The following GMIP variants were observed in gnomAD, a reference collection of about 807,000 sequenced individuals.
GMIP encodes GEM-interacting protein.
In GMIP, 54 loss-of-function variants were observed where a neutral mutation model predicts 105.3. That is an observed-to-expected ratio of 0.51 (90% CI 0.41 to 0.64). The LOEUF (loss-of-function observed/expected upper bound fraction) is 0.64, where lower values mean the gene tolerates loss of function less well. Ranked by LOEUF, GMIP falls within the 30% of genes least tolerant of loss-of-function variation. The pLI is 0.00. For missense variants in GMIP, 1,110 were observed against 1,319.4 expected (o/e 0.84, Z 2.46); for synonymous variants, 541 against 560.8 (o/e 0.96, Z 0.50).
rs766404601 is a variant in GMIP, at chr19:19,630,263, C to T, written c.2613G>A (p.Lys871=). The T allele has an allele frequency of 6.4e-7, 1 of 1,557,884 alleles. No homozygotes were observed. Among genetic ancestry groups the T allele is most frequent in the Non-Finnish European group, 8.7e-7 (1 of 1,150,176 alleles). ...CAGGCCTCACACCGCCCCGGGGATA[C>T]TTCACTGGCTGGCGGCTGAAGTGGC... ...SRGHFSRQPV[K]YPRGGVRPVT... The change falls in exon 21 of 21, where the codon AAG becomes AAA. Residue 871 remains lysine, a synonymous_variant. Transcript: ENST00000203556. The surrounding 1 kb of genome is among the most constrained non-coding windows in gnomAD (Gnocchi z 4.8).
In GMIP at chr19:19,636,588, T is replaced by A; in HGVS notation, c.1327+119A>T. On this transcript the variant is annotated intron_variant, in intron 13 of 20. Transcript: ENST00000203556. Reference sequence around the variant, plus strand: ...TAAAAAAAGAGGTTGAGGAAATAGGTCAGGGGTGTGGGGTAGGTCAGAGGT... The same window carrying A: ...TAAAAAAAGAGGTTGAGGAAATAGGACAGGGGTGTGGGGTAGGTCAGAGGT... 1.8e-5 allele frequency: 14 copies of A among 762,304 alleles called. No homozygotes were observed. In the South Asian group the frequency reaches 1.8e-4, roughly 10 times the overall value. The allele number at this position is 762,304 out of a possible 1,614,324, so 47.2% of individuals were successfully genotyped here.
chr19:19,634,433 G>A lies in GMIP; in HGVS notation c.2084+74C>T. Reference sequence around the variant, plus strand: ...CAAAGGTCAGAGGTCAGTGTCAGGGGTCAGCCAGGGAAGTTAGTAGTCGCA... The same window carrying A: ...CAAAGGTCAGAGGTCAGTGTCAGGGATCAGCCAGGGAAGTTAGTAGTCGCA... On this transcript the variant is annotated intron_variant, in intron 18 of 20. Transcript: ENST00000203556. The surrounding 1 kb of genome is among the most constrained non-coding windows in gnomAD (Gnocchi z 6.1). 7.7e-7 allele frequency: 1 copy of A among 1,291,182 alleles called. No individual in the cohort carries two copies. The highest frequency in any genetic ancestry group is 1.1e-6 in the Non-Finnish European group (1 of 909,262). 80.0% of individuals were successfully genotyped at this position (1,291,182 alleles called of 1,614,324 possible). A position where few individuals can be genotyped will look rare whatever the true frequency, so the allele number is the denominator to read the frequency against.
In GMIP at chr19:19,641,998, T is replaced by C. The variant is rs1489164933; in HGVS notation, c.158A>G (p.Asp53Gly). 1 of 1,613,510 alleles carries C rather than the reference T, an allele frequency of 6.2e-7. No individual in the cohort carries two copies. The highest frequency in any genetic ancestry group is 8.5e-7 in the Non-Finnish European group (1 of 1,179,586). Residue 53 changes from aspartate to glycine, a missense_variant, in exon 3 of 21, where the codon GAC (aspartate) becomes GGC (glycine). Coordinates refer to ENST00000203556, the MANE Select transcript of GMIP (RefSeq NM_016573.4). ...CACAACAGTGGCTGTAGGGGTCTTG[T>C]CAGGTTCTGGGTCTTCTGAGAGTAG... is the stretch of plus-strand genomic sequence containing the variant. Reference protein sequence around the residue: ...DPLLSEDPEPDKTPTATVTNE... With the variant: ...DPLLSEDPEPGKTPTATVTNE...
At position 19,641,834 on chromosome 19, in the gene GMIP, G is replaced by A. The variant is rs781358103; in HGVS notation, c.214C>T (p.Pro72Ser). 1 of 1,612,380 alleles carries A rather than the reference G, an allele frequency of 6.2e-7. No individual in the cohort carries two copies. Among genetic ancestry groups the A allele is most frequent in the South Asian group, 1.1e-5 (1 of 90,920 alleles). Residue 72 changes from proline to serine, a missense_variant, in exon 4 of 21, where the codon CCA becomes TCA. Pro to Ser is a moderately conservative substitution (Grantham distance 74). Coordinates refer to ENST00000203556, the MANE Select transcript of GMIP (RefSeq NM_016573.4). ...CCTGTGAGGGGTACAGGACCCTCTG[G>A]GGAGGGGCCGCTCCAACAGCTGGCT... ...NEASCWSGPS[P>S]EGPVPLTGEE...
At chr19:19,632,120 T>C (rs2061802692) in intron 19 of GMIP, among the ~76,000 whole-genome samples, 1 of 149,402 alleles carries the variant, frequency 6.7e-6, no homozygotes, top group African/African-American at 2.5e-5. Flanking sequence ...GAGAAACCCC[T>C]ACTCTACTAA....
intron 7 of GMIP, among the ~76,000 whole-genome samples, chr19:19,638,962 C>A (rs1172433442): frequency 6.6e-6 from 1 of 151,878 alleles, no homozygotes; most frequent in African/African-American, 2.4e-5. Context: ...CTCCTATAGT[C>A]CCACCTACTC....
intron 1 of GMIP, chr19:19,643,163 A>AG (rs2061941785): frequency 3.3e-6 from 1 of 302,050 alleles, no homozygotes; most frequent in Admixed American, 4.9e-5. Flanking sequence ...CCGACTCCCC[A>AG]GGGCTACAGA....
At chr19:19,633,747 G>A in intron 19 of GMIP, 56 bp downstream of exon 19, 1 of 1,235,196 alleles carries the variant, frequency 8.1e-7, no homozygotes, top group Non-Finnish European at 1.1e-6. Context: ...GAGAAGGTAA[G>A]AGAATTGAAC....
At chr19:19,633,211 A>G (rs537044552) in intron 19 of GMIP, among the ~76,000 whole-genome samples, 2 of 152,030 alleles carry the variant, frequency 1.3e-5, no homozygotes, top group East Asian at 3.9e-4. Context: ...GGTACACACC[A>G]CCACACCTGG....
Position 19,631,620 on chromosome 19 carries a change from G to A in GMIP, c.2473-1083C>T, listed in dbSNP as rs568352001. Among the ~76,000 whole-genome samples, 8 of 152,318 alleles carry A rather than the reference G, an allele frequency of 5.3e-5. No individual in the cohort carries two copies. In the East Asian group the frequency reaches 9.6e-4, roughly 18 times the overall value. Reference sequence around the variant, plus strand: ...TGGGCATGGACTGTTCTAGCAATCCGGAGCAGCGGGTGCTGCTATCTTCCT... The same window carrying A: ...TGGGCATGGACTGTTCTAGCAATCCAGAGCAGCGGGTGCTGCTATCTTCCT... On this transcript the variant is annotated intron_variant, in intron 19 of 20. Coordinates refer to ENST00000203556, the MANE Select transcript of GMIP (RefSeq NM_016573.4).
At chr19:19,636,182 C>T (rs2061852139) in intron 13 of GMIP, among the ~76,000 whole-genome samples, 2 of 136,136 alleles carry the variant, frequency 1.5e-5, no homozygotes. Context: ...CCAGCCTGGG[C>T]AACAGAGCAA....
chr19:19,643,517 C>A lies in GMIP; in HGVS notation c.13G>T (p.Glu5Ter). The change falls in exon 1 of 21, where the codon GAG (glutamate) becomes TAG (stop). Residue 5 changes from glutamate to a stop codon, truncating the protein, a stop_gained. Coordinates refer to ENST00000203556, the MANE Select transcript of GMIP (RefSeq NM_016573.4). LOFTEE classifies it high-confidence loss of function. The part of the protein sequence containing the change: MDAA[E>*]PGLPPGPEGR... ...CGGATCCCCGACCCCCTACCCGGCT[C>A]TGCTGCGTCCATATCTGGGCCCGGG... 6.5e-7 allele frequency: 1 copy of A among 1,548,620 alleles called. No homozygotes were observed. The highest frequency in any genetic ancestry group is 2.5e-5 in the East Asian group (1 of 40,768).
In GMIP at chr19:19,634,437, G is replaced by A; in HGVS notation, c.2084+70C>T. ...GGTCAGAGGTCAGTGTCAGGGGTCA[G>A]CCAGGGAAGTTAGTAGTCGCATGTC... is the stretch of plus-strand genomic sequence containing the variant. On this transcript the variant is annotated intron_variant, in intron 18 of 20. Transcript: ENST00000203556. The surrounding 1 kb of genome is among the most constrained non-coding windows in gnomAD (Gnocchi z 6.1). 4.5e-6 allele frequency: 6 copies of A among 1,326,844 alleles called. No individual in the cohort carries two copies. The highest frequency in any genetic ancestry group is 6.4e-6 in the Non-Finnish European group (6 of 941,144). 82.2% of individuals were successfully genotyped at this position (1,326,844 alleles called of 1,614,324 possible).
At chr19:19,631,781 A>G (rs1304310945) in intron 19 of GMIP, among the ~76,000 whole-genome samples, 1 of 150,876 alleles carries the variant, frequency 6.6e-6, no homozygotes, top group Non-Finnish European at 1.5e-5. Flanking sequence ...AGGTCAGGAG[A>G]TCGAGACCAT....
intron 1 of GMIP, 132 bp from the exon 2 acceptor site, chr19:19,642,751 C>A: frequency 2.0e-6 from 1 of 508,262 alleles, no homozygotes. Flanking sequence ...CTGGGGGGGG[C>A]TTGGTTGGGG....
intron 3 of GMIP, 42 bp downstream of exon 3, chr19:19,641,934 C>A: frequency 6.2e-7 from 1 of 1,601,672 alleles, no homozygotes; most frequent in South Asian, 1.1e-5. Context: ...AAGGCCCCCT[C>A]TGCTTGAGGT....
chr19:19,634,164 T>TGCCACC lies in GMIP; in HGVS notation c.2110_2111insGGTGGC (p.Lys704delinsArgTrpGln), dbSNP rs1459699914. 1 of 1,603,880 alleles carries TGCCACC rather than the reference T, an allele frequency of 6.2e-7. No homozygotes were observed. The highest frequency in any genetic ancestry group is 2.2e-5 in the East Asian group (1 of 44,588). ...AATGCCCAGGTTGTTGGCAGACATC[T>TGCCACC]TGTTTTCCATAAATCGTGCAGCCAC... On this transcript the variant is annotated protein_altering_variant, in exon 19 of 21. Transcript: ENST00000203556. The surrounding 1 kb of genome is among the most constrained non-coding windows in gnomAD (Gnocchi z 6.1).
At position 19,635,111 on chromosome 19, in the gene GMIP, G is replaced by C; in HGVS notation, c.1663C>G (p.Gln555Glu). 6.2e-7 allele frequency: 1 copy of C among 1,613,964 alleles called. No individual in the cohort carries two copies. ...RTPLFGVDFL[Q>E]LPRDFPEEVP... The stretch of plus-strand genomic sequence containing the variant: ...TCCTCCGGGAAGTCCCTGGGTAGCT[G>C]CAGGAAGTCAACCCCAAAAAGGGGT... The change falls in exon 16 of 21, where the codon CAG becomes GAG. Residue 555 changes from glutamine to glutamate, a missense_variant. Gln to Glu is a conservative substitution (Grantham distance 29). Around this residue, in one of 3 missense-constraint regions of GMIP, gnomAD observed 667 missense variants for 773.2 expected, o/e 0.86. Coordinates refer to ENST00000203556, the MANE Select transcript of GMIP (RefSeq NM_016573.4). This position sits in a 1 kb window ranked among gnomAD's most constrained non-coding sequence, Gnocchi z 4.7.
In GMIP at chr19:19,638,262, G is replaced by GC; in HGVS notation, c.685dup (p.Ala229GlyfsTer8). Reference sequence around the variant, plus strand: ...GTCCTCAGGGGACCCCTGGGAGCGTGCCCGCAGGTCCTCGCTGCGTTGCAC... The same window carrying GC: ...GTCCTCAGGGGACCCCTGGGAGCGTGCCCCGCAGGTCCTCGCTGCGTTGCAC... On this transcript the variant is annotated frameshift_variant, in exon 9 of 21. Transcript: ENST00000203556. LOFTEE classifies it high-confidence loss of function. 3 of 1,606,126 alleles carry GC rather than the reference G, an allele frequency of 1.9e-6. No homozygotes were observed. The highest frequency in any genetic ancestry group is 2.5e-6 in the Non-Finnish European group (3 of 1,179,568).
Sources: gnomAD v4.1 joint callset for allele counts (sites outside exome capture counted in the v4.1 genomes callset) on GRCh38, gnomAD v4.1.1 for gene constraint, gnomAD v4.1.1 regional missense constraint, Gnocchi (gnomAD v3.1) non-coding constraint, MANE v1.5 for transcripts, NCBI Gene and HGNC (gene_info 2026-07-23, HGNC 2026-07-21) for gene names.